Variants in DAPP1 observed in about 807,000 individuals in gnomAD.
The protein encoded by DAPP1 is dual adapter for phosphotyrosine and 3-phosphotyrosine and 3-phosphoinositide.
DAPP1 carries 20 observed loss-of-function variants against 41.5 expected under a neutral mutation model. That is an observed-to-expected ratio of 0.48 (90% CI 0.34 to 0.70). The LOEUF is 0.70. DAPP1 is among the 30% of genes least tolerant of loss of function. The pLI is 0.01. For missense variants in DAPP1, 233 were observed against 333.4 expected (o/e 0.70, Z 2.35); for synonymous variants, 113 against 116.2 (o/e 0.97, Z 0.18).
intron 1 of DAPP1, among the ~76,000 whole-genome samples, chr4:99,832,855 G>A (rs1364947711): frequency 4.7e-5 from 7 of 147,502 alleles, no homozygotes; most frequent in South Asian, 2.3e-4. Flanking sequence ...GGAATTTTGC[G>A]AATCAAATAT....
chr4:99,862,806 C>G (rs1405541668), intron 5 of DAPP1, among the ~76,000 whole-genome samples: 1 of 151,788 alleles, frequency 6.6e-6, no homozygotes, highest in African/African-American at 2.4e-5. Context: ...ATTTTTTGAG[C>G]TTAATGCATG....
intron 3 of DAPP1, among the ~76,000 whole-genome samples, chr4:99,846,952 C>T (rs1285625889): frequency 6.6e-6 from 1 of 152,226 alleles, no homozygotes; most frequent in Non-Finnish European, 1.5e-5. Context: ...CTCCCACCAA[C>T]CCCAAGAAAT....
intron 4 of DAPP1, among the ~76,000 whole-genome samples, chr4:99,855,675 G>A (rs761050616): frequency 1.2e-4 from 18 of 152,170 alleles, no homozygotes; most frequent in African/African-American, 4.3e-4. Flanking sequence ...CTTCTCATTG[G>A]GGAATCATTG....
intron 4 of DAPP1, among the ~76,000 whole-genome samples, chr4:99,858,839 C>T (rs1472391935): frequency 1.3e-5 from 2 of 151,998 alleles, no homozygotes; most frequent in Non-Finnish European, 2.9e-5. Flanking sequence ...CCTGATTTGG[C>T]CAGTCGGGGA....
chr4:99,852,078 A>T (rs189175451), intron 3 of DAPP1, among the ~76,000 whole-genome samples: 1 of 151,914 alleles, frequency 6.6e-6, no homozygotes. Flanking sequence ...CATTTTTTCC[A>T]TAACACTTCT....
intron 1 of DAPP1, among the ~76,000 whole-genome samples, chr4:99,828,510 A>G (rs916103230): frequency 1.3e-5 from 2 of 152,338 alleles, no homozygotes; most frequent in East Asian, 3.9e-4. Context: ...AAGTTAGATT[A>G]GTAAATTAAA....
At chr4:99,822,569 A>G (rs1722808826) in intron 1 of DAPP1, among the ~76,000 whole-genome samples, 1 of 152,178 alleles carries the variant, frequency 6.6e-6, no homozygotes, top group South Asian at 2.1e-4. Flanking sequence ...GAGTGATGGT[A>G]GCAAAATATG....
rs1312638596 is a variant in DAPP1, at chr4:99,868,196, C to T, written c.*11C>T. 2 of 1,611,936 alleles carry T rather than the reference C, an allele frequency of 1.2e-6. No individual in the cohort carries two copies. Among genetic ancestry groups the T allele is most frequent in the African/African-American group, 1.3e-5 (1 of 74,984 alleles). On this transcript the variant is annotated 3_prime_UTR_variant, in exon 9 of 9. Transcript: ENST00000512369. ...TTCATCTTTAAATAGATCTTTCTTG[C>T]CAAGGAATGCTCTGGCCCAGGAGCA...
chr4:99,871,275 A>G (rs1314857209), downstream of DAPP1, among the ~76,000 whole-genome samples: 1 of 152,200 alleles, frequency 6.6e-6, no homozygotes, highest in Admixed American at 6.5e-5. Context: ...TGTTTCTACC[A>G]GACTCTTCCT....
intron 1 of DAPP1, among the ~76,000 whole-genome samples, chr4:99,832,007 A>G (rs548401302): frequency 9.3e-5 from 14 of 150,748 alleles, no homozygotes; most frequent in African/African-American, 3.4e-4. Flanking sequence ...TTCAAGGCCT[A>G]TACAGATGTT....
chr4:99,852,129 T>C (rs1393992162), intron 3 of DAPP1, among the ~76,000 whole-genome samples: 4 of 152,196 alleles, frequency 2.6e-5, no homozygotes, highest in Non-Finnish European at 5.9e-5. Context: ...CTGTCTCCTC[T>C]ACCTAGAACA....
At position 99,861,675 on chromosome 4, in the gene DAPP1, G is replaced by A. The variant is rs756543629; in HGVS notation, c.537+50G>A. On this transcript the variant is annotated intron_variant, in intron 5 of 8. Coordinates refer to ENST00000512369, the MANE Select transcript of DAPP1 (RefSeq NM_014395.3). ...GCCAGCCACAGAAAAAAGAGAACACGTCATGTAGACTCAATTCTCATCTTG... is the reference window on the plus strand; with the variant it reads ...GCCAGCCACAGAAAAAAGAGAACACATCATGTAGACTCAATTCTCATCTTG... The A allele has an allele frequency of 1.1e-4, 161 of 1,532,304 alleles. 2 individuals are homozygous for A. The South Asian group carries it at 1.6e-3, about 15-fold the overall frequency. 94.9% of individuals were successfully genotyped at this position (1,532,304 alleles called of 1,614,324 possible).
At chr4:99,834,560 A>G (rs1475225847) in intron 1 of DAPP1, among the ~76,000 whole-genome samples, 4 of 152,178 alleles carry the variant, frequency 2.6e-5, no homozygotes, top group Non-Finnish European at 4.4e-5. Context: ...TTCACTCATG[A>G]CAATAGCCTT....
intron 4 of DAPP1, among the ~76,000 whole-genome samples, chr4:99,860,254 C>G (rs1342854293): frequency 6.6e-6 from 1 of 152,218 alleles, no homozygotes; most frequent in Admixed American, 6.5e-5. Context: ...TAGAAGAATA[C>G]TACACTTATA....
At chr4:99,837,977 A>G (rs1393504980) in intron 2 of DAPP1, among the ~76,000 whole-genome samples, 1 of 152,112 alleles carries the variant, frequency 6.6e-6, no homozygotes, top group Non-Finnish European at 1.5e-5. Context: ...ATGAGAATCT[A>G]TTGCCTCTAC....
At chr4:99,829,621 G>C (rs961554053) in intron 1 of DAPP1, among the ~76,000 whole-genome samples, 1 of 152,118 alleles carries the variant, frequency 6.6e-6, no homozygotes, top group African/African-American at 2.4e-5. Context: ...CTGAGGGAAC[G>C]ACCAGAGACA....
At chr4:99,820,037 A>G (rs780162505) in intron 1 of DAPP1, among the ~76,000 whole-genome samples, 1 of 152,228 alleles carries the variant, frequency 6.6e-6, no homozygotes. Context: ...CATCTAAAAT[A>G]CATTAATGTG....
intron 3 of DAPP1, among the ~76,000 whole-genome samples, chr4:99,845,626 T>G (rs1723642218): frequency 6.6e-6 from 1 of 152,254 alleles, no homozygotes; most frequent in African/African-American, 2.4e-5. Flanking sequence ...AATAACATGT[T>G]TGGTACATGA....
chr4:99,821,936 T>A (rs1722787359), intron 1 of DAPP1, among the ~76,000 whole-genome samples: 1 of 152,160 alleles, frequency 6.6e-6, no homozygotes, highest in South Asian at 2.1e-4. Flanking sequence ...ACTAGAAAAA[T>A]TTATTCAGCT....
Sources: gnomAD v4.1 joint callset for allele counts (sites outside exome capture counted in the v4.1 genomes callset) on GRCh38, gnomAD v4.1.1 for gene constraint, MANE v1.5 for transcripts, NCBI Gene and HGNC (gene_info 2026-07-23, HGNC 2026-07-21) for gene names.